CEP41: variants seen among roughly 807,000 people sequenced by gnomAD.
The protein encoded by CEP41 is centrosomal protein of 41 kDa.
In CEP41, 32 loss-of-function variants were observed where a neutral mutation model predicts 44.3. The observed-to-expected ratio is 0.72, with a 90% CI of 0.54 to 0.97. The LOEUF is 0.97. Ranked by LOEUF, CEP41 falls within the 50% of genes least tolerant of loss-of-function variation. The pLI is 0.00. For synonymous variants in CEP41, 151 were observed against 168.5 expected, an observed-to-expected ratio of 0.90 and a Z score of 0.80; for missense variants, 432 against 455.2, an observed-to-expected ratio of 0.95 and a Z score of 0.46.
At chr7:130,404,840 A>C in intron 5 of CEP41, 132 bp from the exon 6 acceptor site, 2 of 785,378 alleles carry the variant, frequency 2.5e-6, no homozygotes, top group Non-Finnish European at 2.2e-6. Context: ...GTGCTAACGT[A>C]CAAGTTCCCA....
intron 7 of CEP41, 97 bp from the exon 8 acceptor site, chr7:130,402,045 C>T: frequency 1.2e-6 from 1 of 832,376 alleles, no homozygotes; most frequent in Non-Finnish European, 2.1e-6. Flanking sequence ...TTAAATACAT[C>T]TTCAAAATCC....
rs782643343 is a variant in CEP41, at chr7:130,394,603, C to A, written c.*4288G>T. On this transcript the variant is annotated 3_prime_UTR_variant, in exon 11 of 11. Coordinates refer to ENST00000223208, the MANE Select transcript of CEP41 (RefSeq NM_018718.3). The stretch of plus-strand genomic sequence containing the variant: ...CTTCCTGTAGAGGGAGATCTAAAAA[C>A]CTCAGGGTTTTGAATGCCTCGCCCA... 2.2e-6 allele frequency: 1 copy of A among 453,532 alleles called. No homozygotes were observed. Among genetic ancestry groups the A allele is most frequent in the Admixed American group, 2.4e-5 (1 of 42,510 alleles). 28.1% of individuals were successfully genotyped at this position (453,532 alleles called of 1,614,324 possible). A position where few individuals can be genotyped will look rare whatever the true frequency, so the allele number is the denominator to read the frequency against.
intron 4 of CEP41, 110 bp from the exon 5 acceptor site, chr7:130,411,301 T>A: frequency 1.1e-6 from 1 of 888,468 alleles, no homozygotes; most frequent in Non-Finnish European, 1.8e-6. Context: ...TCTGTTGTTT[T>A]AAGAAGCTGT....
At chr7:130,404,837 C>T (rs2117575652) in intron 5 of CEP41, 129 bp from the exon 6 acceptor site, 2 of 806,978 alleles carry the variant, frequency 2.5e-6, no homozygotes, top group South Asian at 1.5e-5. Flanking sequence ...GAAGTGCTAA[C>T]GTACAAGTTC....
At chr7:130,415,119 T>C (rs1278560766) in intron 3 of CEP41, among the ~76,000 whole-genome samples, 1 of 152,190 alleles carries the variant, frequency 6.6e-6, no homozygotes, top group Non-Finnish European at 1.5e-5. Flanking sequence ...ATATTCAGAT[T>C]ACAAAGGATT....
Position 130,397,486 on chromosome 7 carries a change from T to C in CEP41, c.*1405A>G. ...ATTTCTCATACAAACACAGCCCCCA[T>C]GCTAGAAATACTGTGGTGCATTTTT... On this transcript the variant is annotated 3_prime_UTR_variant, in exon 11 of 11. Transcript: ENST00000223208. 2.3e-6 allele frequency: 1 copy of C among 430,708 alleles called. No individual in the cohort carries two copies. The highest frequency in any genetic ancestry group is 4.5e-6 in the Non-Finnish European group (1 of 220,606). 26.7% of individuals were successfully genotyped at this position (430,708 alleles called of 1,614,324 possible).
intron 2 of CEP41, among the ~76,000 whole-genome samples, chr7:130,423,195 G>C (rs1423383872): frequency 1.3e-5 from 2 of 152,134 alleles, no homozygotes; most frequent in Admixed American, 6.5e-5. Flanking sequence ...CAATCCACCT[G>C]CCTCGGCCTC....
At chr7:130,418,091 C>A (rs1693914837) in intron 2 of CEP41, among the ~76,000 whole-genome samples, 1 of 152,090 alleles carries the variant, frequency 6.6e-6, no homozygotes, top group East Asian at 1.9e-4. Flanking sequence ...CCATTGTTTT[C>A]TTTTCTTTTC....
Position 130,398,334 on chromosome 7 carries a change from A to G in CEP41, c.*557T>C. ...TTCCATACTCAAAACAGGGCCTGCA[A>G]TATGCTGGGCAGAGAGCTCCTTGCT... On this transcript the variant is annotated 3_prime_UTR_variant, in exon 11 of 11. Transcript: ENST00000223208. 2.2e-6 allele frequency: 1 copy of G among 454,048 alleles called. No individual in the cohort carries two copies. Among genetic ancestry groups the G allele is most frequent in the Non-Finnish European group, 4.4e-6 (1 of 226,778 alleles). 28.1% of individuals were successfully genotyped at this position (454,048 alleles called of 1,614,324 possible). A position where few individuals can be genotyped will look rare whatever the true frequency, so the allele number is the denominator to read the frequency against.
At position 130,398,901 on chromosome 7, in the gene CEP41, G is replaced by A; in HGVS notation, c.1112C>T (p.Pro371Leu). The A allele has an allele frequency of 6.2e-7, 1 of 1,614,218 alleles. No individual in the cohort carries two copies. The highest frequency in any genetic ancestry group is 8.5e-7 in the Non-Finnish European group (1 of 1,180,034). The change falls in exon 11 of 11, where the codon CCC becomes CTC. Residue 371 changes from proline to leucine, a missense_variant. By Grantham distance (98) the Pro-to-Leu change is moderately conservative. Transcript: ENST00000223208. ...AGTGAGACAAAGTCTTTACTTCCAG[G>A]GTTTGCCTTGCAGGTGACCACTGCT... Reference protein sequence around the residue: ...SLSSGHLQGKPWK With the variant: ...SLSSGHLQGKLWK
chr7:130,410,862 G>A (rs1238721957), intron 5 of CEP41: 1 of 536,662 alleles, frequency 1.9e-6, no homozygotes, highest in African/African-American at 1.9e-5. Context: ...AAAAATATTT[G>A]TTGAAAAAAG....
chr7:130,437,764 C>CAAAAAAAA (rs1171735164), intron 1 of CEP41, among the ~76,000 whole-genome samples: 4 of 32,382 alleles, frequency 1.2e-4, no homozygotes, highest in Non-Finnish European at 1.8e-4. Flanking sequence ...AAGACTGTCT[C>CAAAAAAAA]AAAAAAAAAA....
At chr7:130,405,558 A>G (rs1351044976) in intron 5 of CEP41, among the ~76,000 whole-genome samples, 3 of 152,168 alleles carry the variant, frequency 2.0e-5, no homozygotes, top group African/African-American at 7.2e-5. Context: ...GGTAAGATAG[A>G]TAGTGAGAAT....
At chr7:130,428,122 T>C in intron 1 of CEP41, 104 bp from the exon 2 acceptor site, 1 of 807,116 alleles carries the variant, frequency 1.2e-6, no homozygotes, top group East Asian at 2.6e-5. Context: ...GTGCTAAAAT[T>C]TCTTAGAAAT....
At chr7:130,431,835 C>T (rs545421074) in intron 1 of CEP41, among the ~76,000 whole-genome samples, 1 of 152,162 alleles carries the variant, frequency 6.6e-6, no homozygotes, top group Non-Finnish European at 1.5e-5. Context: ...GCCTTGCATA[C>T]ATGTTTAAAA....
rs2117545834 is a variant in CEP41, at chr7:130,398,918, A to G, written c.1095T>C (p.Gly365=). The stretch of plus-strand genomic sequence containing the variant: ...ACTTCCAGGGTTTGCCTTGCAGGTG[A>G]CCACTGCTGAGGGAGCGGGGGTTTG... ...SHSNPRSLSS[G]HLQGKPWK The change falls in exon 11 of 11, where the codon GGT becomes GGC. Residue 365 remains glycine (G), a synonymous_variant. Coordinates refer to ENST00000223208, the MANE Select transcript of CEP41 (RefSeq NM_018718.3). 1 of 1,614,202 alleles carries G rather than the reference A, an allele frequency of 6.2e-7. No individual in the cohort carries two copies.
At chr7:130,441,322 C>G, upstream of CEP41, 1 of 447,696 alleles carries the variant, frequency 2.2e-6, no homozygotes, top group South Asian at 2.0e-5. Flanking sequence ...AGAGCCGGGA[C>G]AAAACACGAG....
At chr7:130,428,478 A>G (rs1554424301) in intron 1 of CEP41, among the ~76,000 whole-genome samples, 1 of 149,692 alleles carries the variant, frequency 6.7e-6, no homozygotes, top group African/African-American at 2.5e-5. Context: ...CAGAGGTCCA[A>G]TTGTCTTTTC....
At chr7:130,416,881 G>A in intron 3 of CEP41, 38 bp downstream of exon 3, 2 of 1,461,992 alleles carry the variant, frequency 1.4e-6, no homozygotes, top group Non-Finnish European at 1.9e-6. Context: ...AACAACTATA[G>A]ACTTCCACTC....
Sources: gnomAD v4.1 joint callset for allele counts (sites outside exome capture counted in the v4.1 genomes callset) on GRCh38, gnomAD v4.1.1 for gene constraint, MANE v1.5 for transcripts, NCBI Gene and HGNC (gene_info 2026-07-23, HGNC 2026-07-21) for gene names.